Variants in MYG1 observed in about 807,000 individuals in gnomAD.
MYG1 encodes the protein MYG1 exonuclease, also known as UPF0160 protein MYG1, mitochondrial.
In MYG1, 36 loss-of-function variants were observed where a neutral mutation model predicts 43.5. That is an observed-to-expected ratio of 0.83 (90% CI 0.63 to 1.09). The LOEUF (loss-of-function observed/expected upper bound fraction) is 1.09, where lower values mean the gene tolerates loss of function less well. Among genes scored for constraint, MYG1 ranks in the 50% least tolerant of loss-of-function variants. The pLI, the probability that MYG1 is intolerant of heterozygous loss-of-function variation, is 0.00. For synonymous variants in MYG1, 220 were observed against 202.8 expected (o/e 1.08, Z -0.72); for missense variants, 529 against 495.1 (o/e 1.07, Z -0.65).
chr12:53,306,310 A>T lies in MYG1; in HGVS notation c.755A>T (p.Gln252Leu), dbSNP rs1260010946. The T allele has an allele frequency of 6.2e-7, 1 of 1,614,176 alleles. No homozygotes were observed. Among genetic ancestry groups the T allele is most frequent in the Non-Finnish European group, 8.5e-7 (1 of 1,180,012 alleles). Residue 252 changes from glutamine to leucine, a missense_variant, in exon 5 of 7, where the codon CAG becomes CTG. Transcript: ENST00000267103. Reference sequence around the variant, plus strand: ...GCCTTGGTGGAAGAGGCCCTTGCCCAGCGATTCCAGGTATAGGCCTTGGAG... The same window carrying T: ...GCCTTGGTGGAAGAGGCCCTTGCCCTGCGATTCCAGGTATAGGCCTTGGAG... ...ARALVEEALA[Q>L]RFQVDPSGEI...
chr12:53,305,135 T>A (rs919879624), intron 3 of MYG1, among the ~76,000 whole-genome samples: 3 of 152,056 alleles, frequency 2.0e-5, no homozygotes, highest in Non-Finnish European at 4.4e-5. Flanking sequence ...CCCAAAGTGC[T>A]GGGATTACAG....
At chr12:53,300,922 C>CTTT (rs555046857) in intron 2 of MYG1, among the ~76,000 whole-genome samples, 6 of 140,400 alleles carry the variant, frequency 4.3e-5, no homozygotes, top group East Asian at 2.0e-4. Context: ...TTTTTCTTTT[C>CTTT]TTTTTTTTTT....
Position 53,299,906 on chromosome 12 carries a change from G to C in MYG1, c.169G>C (p.Asp57His). ...GACGCACAATGGCACCTTCCACTGC[G>C]ACGAGGCACTGGCATGCGCACTGCT... ...IGTHNGTFHC[D>H]EALACALLRL... The change falls in exon 1 of 7, where the codon GAC (aspartate) becomes CAC (histidine). Residue 57 changes from aspartate to histidine, a missense_variant. By Grantham distance (81) the Asp-to-His change is moderately conservative. Transcript: ENST00000267103. 6.2e-7 allele frequency: 1 copy of C among 1,614,174 alleles called. No individual in the cohort carries two copies. The highest frequency in any genetic ancestry group is 8.5e-7 in the Non-Finnish European group (1 of 1,180,024).
At chr12:53,300,018 C>G in intron 1 of MYG1, 65 bp downstream of exon 1, 1 of 1,589,184 alleles carries the variant, frequency 6.3e-7, no homozygotes. Context: ...GATGGCATTC[C>G]GCCAACAGGG....
chr12:53,307,049 A>G lies in MYG1; in HGVS notation c.1031A>G (p.His344Arg), dbSNP rs151092802. ...VSGIPGCIFV[H>R]ASGFTGGHHT... The stretch of plus-strand genomic sequence containing the variant: ...GGGATCCCTGGCTGCATCTTCGTCC[A>G]TGCAAGCGGCTTCACTGGCGGTCAC... Residue 344 changes from histidine (H) to arginine (R), a missense_variant, in exon 7 of 7, where the codon CAT (histidine) becomes CGT (arginine). Transcript: ENST00000267103. The G allele has an allele frequency of 3.1e-6, 5 of 1,614,118 alleles. No homozygotes were observed. The highest frequency in any genetic ancestry group is 2.7e-5 in the African/African-American group (2 of 74,946).
chr12:53,304,858 CAT>C (rs1491552153), intron 3 of MYG1, among the ~76,000 whole-genome samples: 8 of 118,940 alleles, frequency 6.7e-5, no homozygotes, highest in South Asian at 2.9e-4. Context: ...AGCCTAAACC[CAT>C]GTTTTTTTTT....
At chr12:53,305,255 A>G (rs1178895994) in intron 3 of MYG1, among the ~76,000 whole-genome samples, 1 of 152,206 alleles carries the variant, frequency 6.6e-6, no homozygotes, top group Admixed American at 6.5e-5. Context: ...CTCTGAGAGT[A>G]GCACTTTTCT....
Position 53,306,785 on chromosome 12 carries a change from T to TTTG in MYG1, c.874_876dup (p.Val292dup). ...GCTGTCCCCTCCAGTGGCCATCTTC[T>TTTG]TTGTTATCTACACTGACCAGGCTGG... On this transcript the variant is annotated inframe_insertion, in exon 6 of 7. Coordinates refer to ENST00000267103, the MANE Select transcript of MYG1 (RefSeq NM_021640.4). 6.2e-7 allele frequency: 1 copy of TTTG among 1,613,976 alleles called. No homozygotes were observed. The highest frequency in any genetic ancestry group is 8.5e-7 in the Non-Finnish European group (1 of 1,179,980).
In MYG1 at chr12:53,300,259, A is replaced by G; in HGVS notation, c.326A>G (p.Gln109Arg). 6.4e-7 allele frequency: 1 copy of G among 1,562,572 alleles called. No individual in the cohort carries two copies. Among genetic ancestry groups the G allele is most frequent in the Non-Finnish European group, 8.7e-7 (1 of 1,153,036 alleles). ...CGGAGACACCGATATGACCATCACC[A>G]GAGGTAGGTTCTCAGATACCATTTA... ...DPRRHRYDHH[Q>R]RSFTETMSSL... is the part of the protein sequence containing the mutation. Residue 109 changes from glutamine to arginine, a missense_variant, in exon 2 of 7, where the codon CAG becomes CGG. By Grantham distance (43) the Gln-to-Arg change is conservative. Transcript: ENST00000267103.
At chr12:53,306,149 A>T in intron 4 of MYG1, 49 bp from the exon 5 acceptor site, 1 of 1,613,014 alleles carries the variant, frequency 6.2e-7, no homozygotes, top group African/African-American at 1.3e-5. Context: ...AGCCCTAGCA[A>T]ATTCCAAGTT....
intron 1 of MYG1, 77 bp downstream of exon 1, chr12:53,300,030 C>CA: frequency 6.3e-7 from 1 of 1,575,224 alleles, no homozygotes; most frequent in African/African-American, 1.3e-5. Flanking sequence ...CCAACAGGGT[C>CA]ACTCCGATAG....
At chr12:53,302,493 C>T (rs1944239573) in intron 2 of MYG1, among the ~76,000 whole-genome samples, 1 of 152,192 alleles carries the variant, frequency 6.6e-6, no homozygotes, top group Admixed American at 6.6e-5. Flanking sequence ...ATCTGTTCTC[C>T]ATGCTGGCTG....
chr12:53,305,820 AGAGT>A, intron 3 of MYG1, 84 bp from the exon 4 acceptor site: 1 of 1,472,294 alleles, frequency 6.8e-7, no homozygotes, highest in Non-Finnish European at 9.1e-7. Flanking sequence ...CAGGGCTGAA[AGAGT>A]GTGTATGAAC....
chr12:53,305,751 G>A (rs535762487), intron 3 of MYG1, 157 bp from the exon 4 acceptor site: 108 of 845,306 alleles, frequency 1.3e-4, no homozygotes, highest in Non-Finnish European at 1.7e-4. Context: ...GAGCTTCAGC[G>A]AGCTGCTGAA....
In MYG1 at chr12:53,305,017, C is replaced by T. The variant is rs1366543267; in HGVS notation, c.490-891C>T. Among the ~76,000 whole-genome samples the T allele has an allele frequency of 2.6e-5, 4 of 151,600 alleles. No homozygotes were observed. The South Asian group carries it at 6.3e-4, about 24-fold the overall frequency. Reference sequence around the variant, plus strand: ...CCAAGTAGCTGGGACTACAGGCGCCCGCCACTACGCCCGGCTAATTTTTTG... The same window carrying T: ...CCAAGTAGCTGGGACTACAGGCGCCTGCCACTACGCCCGGCTAATTTTTTG... On this transcript the variant is annotated intron_variant, in intron 3 of 6. Transcript: ENST00000267103.
rs1944214200 is a variant in MYG1, at chr12:53,300,091, A to G, written c.217-59A>G. On this transcript the variant is annotated intron_variant, in intron 1 of 6. Transcript: ENST00000267103. The stretch of plus-strand genomic sequence containing the variant: ...TACCCTTCCTGCCTCCCTGAAGTCC[A>G]GCATTAATCCCCTACCCGGCGACAC... 4 of 1,531,938 alleles carry G rather than the reference A, an allele frequency of 2.6e-6. No individual in the cohort carries two copies. In the South Asian group the frequency reaches 3.6e-5, roughly 14 times the overall value. The allele number at this position is 1,531,938 out of a possible 1,614,324, so 94.9% of individuals were successfully genotyped here. A position where few individuals can be genotyped will look rare whatever the true frequency, so the allele number is the denominator to read the frequency against.
rs1944213608 is a variant in MYG1 at position 53,300,032 on chromosome 12, C to T, written c.216+79C>T. On this transcript the variant is annotated intron_variant, in intron 1 of 6. Transcript: ENST00000267103. ...GGATGGCATTCCGCCAACAGGGTCA[C>T]TCCGATAGCGCCCGGCAGCCCAAGC... 8.9e-6 allele frequency: 14 copies of T among 1,570,696 alleles called. No individual in the cohort carries two copies. In the South Asian group the frequency reaches 1.5e-4, roughly 17 times the overall value.
intron 3 of MYG1, among the ~76,000 whole-genome samples, chr12:53,305,158 G>A (rs905135904): frequency 2.0e-5 from 3 of 152,054 alleles, no homozygotes; most frequent in Non-Finnish European, 2.9e-5. Flanking sequence ...GTGAGCCACC[G>A]CGCCCGGCCT....
chr12:53,307,026 G>T lies in MYG1; in HGVS notation c.1008G>T (p.Gly336=), dbSNP rs746731363. The change falls in exon 7 of 7, where the codon GGG becomes GGT. Residue 336 remains glycine (G), a synonymous_variant. Transcript: ENST00000267103. ...LRDEALDQVS[G]IPGCIFVHAS... ...ACGAGGCCCTGGACCAGGTCAGTGG[G>T]ATCCCTGGCTGCATCTTCGTCCATG... 1.2e-6 allele frequency: 2 copies of T among 1,614,240 alleles called. No homozygotes were observed. Among genetic ancestry groups the T allele is most frequent in the Non-Finnish European group, 1.7e-6 (2 of 1,180,040 alleles).
Sources: gnomAD v4.1 joint callset for allele counts (sites outside exome capture counted in the v4.1 genomes callset) on GRCh38, gnomAD v4.1.1 for gene constraint, MANE v1.5 for transcripts, NCBI Gene and HGNC (gene_info 2026-07-23, HGNC 2026-07-21) for gene names.